TDRD3: variants seen among roughly 807,000 people sequenced by gnomAD.
TDRD3 encodes the protein tudor domain containing 3.
A neutral mutation model predicts 86.7 loss-of-function variants in TDRD3; 45 were observed. That is an observed-to-expected ratio of 0.52 (90% CI 0.41 to 0.67). TDRD3 has a LOEUF of 0.67. Ranked by LOEUF, TDRD3 falls within the 30% of genes least tolerant of loss-of-function variation. The pLI is 0.00. For missense variants in TDRD3, 814 were observed against 889.0 expected, an observed-to-expected ratio of 0.92 and a Z score of 1.07; for synonymous variants, 298 against 301.7, an observed-to-expected ratio of 0.99 and a Z score of 0.13.
chr13:60,404,812 C>T (rs1430647817), intron 1 of TDRD3, among the ~76,000 whole-genome samples: 1 of 152,230 alleles, frequency 6.6e-6, no homozygotes, highest in Non-Finnish European at 1.5e-5. Flanking sequence ...TCTGCGTCCT[C>T]ACCCAGATCT....
At chr13:60,436,109 T>G (rs570939532) in intron 1 of TDRD3, among the ~76,000 whole-genome samples, 95 of 95,512 alleles carry the variant, frequency 9.9e-4, no homozygotes, top group Non-Finnish European at 2.3e-3. Context: ...GGATGGGTTG[T>G]TTTTTTTTTT....
At chr13:60,553,024 A>G (rs1025529482) in intron 12 of TDRD3, among the ~76,000 whole-genome samples, 1 of 152,106 alleles carries the variant, frequency 6.6e-6, no homozygotes, top group African/African-American at 2.4e-5. Context: ...CCCTAGAGAC[A>G]TTTTCCCCAT....
intron 7 of TDRD3, among the ~76,000 whole-genome samples, chr13:60,492,403 T>C (rs1956607288): frequency 6.6e-6 from 1 of 152,204 alleles, no homozygotes; most frequent in Admixed American, 6.5e-5. Context: ...TTCATATCAA[T>C]GATGTCATTT....
chr13:60,533,927 A>G (rs937229347), intron 11 of TDRD3, among the ~76,000 whole-genome samples: 3 of 152,210 alleles, frequency 2.0e-5, no homozygotes, highest in Non-Finnish European at 4.4e-5. Context: ...ATTCAGACCT[A>G]CAATTTGGGT....
chr13:60,450,309 C>T (rs140199580), intron 3 of TDRD3, among the ~76,000 whole-genome samples: 309 of 152,184 alleles, frequency 2.0e-3, no homozygotes, highest in African/African-American at 7.2e-3. Context: ...TTTTTAAATA[C>T]GAATATTCTC....
At chr13:60,505,543 G>A (rs1395450138) in intron 8 of TDRD3, among the ~76,000 whole-genome samples, 2 of 152,262 alleles carry the variant, frequency 1.3e-5, no homozygotes, top group Non-Finnish European at 2.9e-5. Context: ...CCTGCCTGCC[G>A]GCTCTGAAGC....
intron 3 of TDRD3, 125 bp downstream of exon 3, chr13:60,444,873 A>T: frequency 2.2e-6 from 1 of 460,372 alleles, no homozygotes; most frequent in Non-Finnish European, 3.8e-6. Flanking sequence ...TGAACAGGTC[A>T]CAAAGTCATT....
intron 12 of TDRD3, among the ~76,000 whole-genome samples, chr13:60,539,611 T>C (rs914165598): frequency 6.6e-6 from 1 of 151,828 alleles, no homozygotes; most frequent in Non-Finnish European, 1.5e-5. Context: ...TAGCGTACTT[T>C]AAAATGAAGA....
At chr13:60,479,286 A>G (rs1006509682) in intron 5 of TDRD3, among the ~76,000 whole-genome samples, 3 of 152,164 alleles carry the variant, frequency 2.0e-5, no homozygotes, top group African/African-American at 7.2e-5. Flanking sequence ...AAGTTTTAAA[A>G]TTTACATGTA....
intron 12 of TDRD3, among the ~76,000 whole-genome samples, chr13:60,554,436 T>C (rs1461780946): frequency 1.3e-5 from 2 of 152,212 alleles, no homozygotes; most frequent in African/African-American, 4.8e-5. Context: ...TGCTTTACAA[T>C]ATAGACATCA....
chr13:60,509,881 G>A lies in TDRD3; in HGVS notation c.977G>A (p.Ser326Asn), dbSNP rs372916852. 2 of 1,613,530 alleles carry A rather than the reference G, an allele frequency of 1.2e-6. No homozygotes were observed. The highest frequency in any genetic ancestry group is 1.7e-6 in the Non-Finnish European group (2 of 1,179,658). Residue 326 changes from serine (S) to asparagine (N), a missense_variant, in exon 9 of 14, where the codon AGC (serine) becomes AAC (asparagine). Coordinates refer to ENST00000377881, the MANE Select transcript of TDRD3 (RefSeq NM_001146070.2). ...GCAGCACTGAACGTACTTCTTACAAGCAATAAACAGAAACCTGTTATGGGT... is the reference window on the plus strand; with the variant it reads ...GCAGCACTGAACGTACTTCTTACAAACAATAAACAGAAACCTGTTATGGGT... ...LEAALNVLLT[S>N]NKQKPVMGPP...
intron 7 of TDRD3, among the ~76,000 whole-genome samples, chr13:60,492,835 T>C (rs542504941): frequency 1.7e-3 from 255 of 152,222 alleles, no homozygotes; most frequent in Admixed American, 4.1e-3. Flanking sequence ...TGTTATCCAT[T>C]AGTGCTCATC....
chr13:60,507,982 TACAA>T (rs1204677416), intron 8 of TDRD3, among the ~76,000 whole-genome samples: 1 of 152,130 alleles, frequency 6.6e-6, no homozygotes, highest in African/African-American at 2.4e-5. Flanking sequence ...ACTGGTCATA[TACAA>T]ACAGAGAGCC....
intron 10 of TDRD3, among the ~76,000 whole-genome samples, chr13:60,517,500 A>G (rs368673500): frequency 6.6e-6 from 1 of 152,212 alleles, no homozygotes; most frequent in African/African-American, 2.4e-5. Context: ...GAAACCAGGG[A>G]TAAATGGTTG....
chr13:60,524,245 A>G lies in TDRD3; in HGVS notation c.1142-4122A>G, dbSNP rs147890711. On this transcript the variant is annotated intron_variant, in intron 10 of 13. Transcript: ENST00000377881. Reference sequence around the variant, plus strand: ...GCTTTTCTGGCTGAGCACGGGGCTCATGGTAATCCCAGCACTTAGGGAGAC... The same window carrying G: ...GCTTTTCTGGCTGAGCACGGGGCTCGTGGTAATCCCAGCACTTAGGGAGAC... 5.0e-3 allele frequency among the ~76,000 whole-genome samples: 757 copies of G among 152,148 alleles called. 3 individuals are homozygous for G. Among genetic ancestry groups the G allele is most frequent in the Middle Eastern group, 0.024 (7 of 294 alleles).
intron 1 of TDRD3, among the ~76,000 whole-genome samples, chr13:60,399,864 G>C (rs1325635270): frequency 1.3e-5 from 2 of 152,136 alleles, no homozygotes; most frequent in Non-Finnish European, 2.9e-5. Context: ...TGATCTTCAG[G>C]GGGGTACAGA....
intron 7 of TDRD3, among the ~76,000 whole-genome samples, chr13:60,492,487 A>G (rs996748900): frequency 6.6e-6 from 1 of 152,202 alleles, no homozygotes. Flanking sequence ...GGCTCTGTGG[A>G]AGGTGGAAGT....
At chr13:60,571,178 A>G (rs1226406434) in intron 13 of TDRD3, among the ~76,000 whole-genome samples, 1 of 152,188 alleles carries the variant, frequency 6.6e-6, no homozygotes, top group African/African-American at 2.4e-5. Flanking sequence ...AAGACATGTA[A>G]TCTTGTTTGA....
intron 1 of TDRD3, among the ~76,000 whole-genome samples, chr13:60,405,752 G>A (rs1265648666): frequency 3.3e-5 from 5 of 152,176 alleles, no homozygotes; most frequent in Admixed American, 2.0e-4. Flanking sequence ...AAGGCAATAG[G>A]AATCAGTTGA....
Sources: gnomAD v4.1 joint callset for allele counts (sites outside exome capture counted in the v4.1 genomes callset) on GRCh38, gnomAD v4.1.1 for gene constraint, MANE v1.5 for transcripts, NCBI Gene and HGNC (gene_info 2026-07-23, HGNC 2026-07-21) for gene names.